The following NRG3 variants were observed in gnomAD, a reference collection of about 807,000 sequenced individuals.
NRG3 encodes neuregulin 3.
NRG3 carries 31 observed loss-of-function variants against 66.9 expected under a neutral mutation model. The ratio of observed to expected loss-of-function variants is 0.46; its 90% confidence interval spans 0.35 to 0.63. The LOEUF is 0.63. Among genes scored for constraint, NRG3 ranks in the 20% least tolerant of loss-of-function variants. NRG3 has a pLI of 0.00. For missense variants in NRG3, 910 were observed against 878.9 expected, an observed-to-expected ratio of 1.04 and a Z score of -0.45; for synonymous variants, 393 against 359.4, an observed-to-expected ratio of 1.09 and a Z score of -1.06.
chr10:82,212,247 G>T (rs115108498), intron 1 of NRG3, among the ~76,000 whole-genome samples: 13 of 152,158 alleles, frequency 8.5e-5, no homozygotes, highest in Admixed American at 3.9e-4. Context: ...GAAGCACCTC[G>T]TTGTAGATAA....
intron 2 of NRG3, among the ~76,000 whole-genome samples, chr10:82,375,847 G>A (rs973587834): frequency 6.6e-6 from 1 of 152,170 alleles, no homozygotes; most frequent in African/African-American, 2.4e-5. Flanking sequence ...AATTTCATCT[G>A]TTTCAGTATA....
rs1055603305 is a variant in NRG3 at position 82,339,871 on chromosome 10, C to A, written c.824-18868C>A. Reference sequence around the variant, plus strand: ...ACTTGATTTAGCATTTCTTTATCTTCTGTCGTGCAGCTATCAATATGCCAT... The same window carrying A: ...ACTTGATTTAGCATTTCTTTATCTTATGTCGTGCAGCTATCAATATGCCAT... On this transcript the variant is annotated intron_variant, in intron 1 of 8. Coordinates refer to ENST00000372141, the MANE Select transcript of NRG3 (RefSeq NM_001010848.4). Among the ~76,000 whole-genome samples, 6 of 151,970 alleles carry A rather than the reference C, an allele frequency of 3.9e-5. No individual in the cohort carries two copies. In the East Asian group the frequency reaches 1.2e-3, roughly 29 times the overall value.
At chr10:82,917,972 A>G (rs9420078) in intron 4 of NRG3, among the ~76,000 whole-genome samples, 42,246 of 110,600 alleles carry the variant, frequency 0.38, 8,076 homozygotes, top group Non-Finnish European at 0.49. Flanking sequence ...GTGTGTGTGT[A>G]TATATATATA....
intron 2 of NRG3, among the ~76,000 whole-genome samples, chr10:82,480,181 G>A (rs901307145): frequency 6.6e-6 from 1 of 152,156 alleles, no homozygotes; most frequent in Non-Finnish European, 1.5e-5. Context: ...GTAGATTAGT[G>A]GTTGTCTAGG....
chr10:82,157,482 A>G (rs941847315), intron 1 of NRG3, among the ~76,000 whole-genome samples: 3 of 151,750 alleles, frequency 2.0e-5, no homozygotes, highest in Non-Finnish European at 4.4e-5. Context: ...GGTCAAACTG[A>G]TAGCAGGTTA....
chr10:82,290,587 G>A (rs563857339), intron 1 of NRG3, among the ~76,000 whole-genome samples: 2 of 151,514 alleles, frequency 1.3e-5, no homozygotes, highest in African/African-American at 4.8e-5. Context: ...TTTTATAGCT[G>A]TAAATCTTGG....
chr10:81,975,829 A>G (rs192728295), intron 1 of NRG3, among the ~76,000 whole-genome samples: 92 of 152,288 alleles, frequency 6.0e-4, no homozygotes, highest in African/African-American at 2.1e-3. Flanking sequence ...TGCATTATCC[A>G]AGTGCTCCCA....
intron 2 of NRG3, among the ~76,000 whole-genome samples, chr10:82,631,762 T>C (rs925512543): frequency 1.6e-4 from 25 of 152,248 alleles, no homozygotes; most frequent in Non-Finnish European, 3.4e-4. Flanking sequence ...CTTGCTTTTT[T>C]ATTTGCAAGT....
Position 82,067,941 on chromosome 10 carries a change from C to T in NRG3, c.823+191778C>T, listed in dbSNP as rs1000677207. ...AAGTTTATAATTTTTATTTTTGTAA[C>T]AATTTATGTCAGTATTCATCACAGA... On this transcript the variant is annotated intron_variant, in intron 1 of 8. Coordinates refer to ENST00000372141, the MANE Select transcript of NRG3 (RefSeq NM_001010848.4). Among the ~76,000 whole-genome samples the T allele has an allele frequency of 2.0e-5, 3 of 152,084 alleles. No homozygotes were observed. The East Asian group carries it at 5.8e-4, about 29-fold the overall frequency.
chr10:82,232,206 A>G (rs1300351223), intron 1 of NRG3: 1 of 152,624 alleles, frequency 6.6e-6, no homozygotes, highest in Non-Finnish European at 1.5e-5. Flanking sequence ...AGAATATGCA[A>G]GATAAGCTCC....
intron 1 of NRG3, among the ~76,000 whole-genome samples, chr10:82,260,458 A>T (rs1411561793): frequency 6.6e-6 from 1 of 152,132 alleles, no homozygotes; most frequent in East Asian, 1.9e-4. Context: ...AGGAAATCTC[A>T]ATTATATCTG....
chr10:82,023,864 A>G (rs1482684647), intron 1 of NRG3, among the ~76,000 whole-genome samples: 1 of 152,076 alleles, frequency 6.6e-6, no homozygotes, highest in Admixed American at 6.6e-5. Flanking sequence ...TGATGGGCCC[A>G]TAGAATGAGT....
chr10:82,198,534 G>C (rs1036307093), intron 1 of NRG3, among the ~76,000 whole-genome samples: 4 of 152,092 alleles, frequency 2.6e-5, no homozygotes, highest in Non-Finnish European at 5.9e-5. Context: ...TCAACTTCTT[G>C]TACAGTCACA....
chr10:82,263,772 A>G (rs984165928), intron 1 of NRG3, among the ~76,000 whole-genome samples: 1 of 152,188 alleles, frequency 6.6e-6, no homozygotes, highest in Non-Finnish European at 1.5e-5. Context: ...AAGAAACTCC[A>G]AGAGCACTAG....
intron 2 of NRG3, among the ~76,000 whole-genome samples, chr10:82,476,400 TAC>T (rs1366851556): frequency 1.3e-5 from 2 of 152,238 alleles, no homozygotes; most frequent in African/African-American, 2.4e-5. Flanking sequence ...GAGATATTGA[TAC>T]ACTCATGTTC....
chr10:82,098,847 T>C (rs1239268105), intron 1 of NRG3, among the ~76,000 whole-genome samples: 1 of 152,188 alleles, frequency 6.6e-6, no homozygotes, highest in Non-Finnish European at 1.5e-5. Context: ...CACTGCAAGC[T>C]CCACCTCCTG....
intron 1 of NRG3, among the ~76,000 whole-genome samples, chr10:82,300,756 A>G (rs1306815641): frequency 1.3e-5 from 2 of 152,140 alleles, no homozygotes; most frequent in Non-Finnish European, 1.5e-5. Context: ...AGATTATGAA[A>G]TGGTTGAATT....
At chr10:82,190,400 C>G (rs925838200) in intron 1 of NRG3, among the ~76,000 whole-genome samples, 1 of 151,898 alleles carries the variant, frequency 6.6e-6, no homozygotes, top group Admixed American at 6.6e-5. Flanking sequence ...AATTTAAGTA[C>G]TTTCTCTTAA....
chr10:82,444,189 G>A (rs766213135), intron 2 of NRG3, among the ~76,000 whole-genome samples: 3 of 152,118 alleles, frequency 2.0e-5, no homozygotes, highest in East Asian at 1.9e-4. Context: ...TGTAACCTCC[G>A]CCTTTTGGGT....
Sources: gnomAD v4.1 joint callset for allele counts (sites outside exome capture counted in the v4.1 genomes callset) on GRCh38, gnomAD v4.1.1 for gene constraint, MANE v1.5 for transcripts, NCBI Gene and HGNC (gene_info 2026-07-23, HGNC 2026-07-21) for gene names.